The following FNDC3B variants were observed in gnomAD, a reference collection of about 807,000 sequenced individuals.
FNDC3B encodes fibronectin type III domain containing 3B, also known as fibronectin type III domain-containing protein 3B.
A neutral mutation model predicts 151.5 loss-of-function variants in FNDC3B; 12 were observed. The observed-to-expected ratio is 0.08, with a 90% CI of 0.05 to 0.13. The LOEUF is 0.13. Ranked by LOEUF, FNDC3B falls within the 10% of genes least tolerant of loss-of-function variation. The pLI is 1.00. For missense variants in FNDC3B, 1,214 were observed against 1,505.3 expected, an observed-to-expected ratio of 0.81 and a Z score of 3.20; for synonymous variants, 528 against 549.0, an observed-to-expected ratio of 0.96 and a Z score of 0.54.
intron 23 of FNDC3B, among the ~76,000 whole-genome samples, chr3:172,373,061 C>G (rs1017174434): frequency 6.6e-6 from 1 of 152,154 alleles, no homozygotes. Flanking sequence ...ATGGTCCAGT[C>G]CTTCTCAGCA....
intron 13 of FNDC3B, among the ~76,000 whole-genome samples, chr3:172,332,058 C>T (rs1732711225): frequency 6.6e-6 from 1 of 152,136 alleles, no homozygotes; most frequent in Non-Finnish European, 1.5e-5. Context: ...GCAACCTCTG[C>T]CTCCCAGGTT....
intron 1 of FNDC3B, among the ~76,000 whole-genome samples, chr3:172,096,739 G>A (rs1469380182): frequency 6.6e-6 from 1 of 152,202 alleles, no homozygotes; most frequent in African/African-American, 2.4e-5. Flanking sequence ...CTATTTTTGA[G>A]TGGTGAGATT....
intron 6 of FNDC3B, among the ~76,000 whole-genome samples, chr3:172,282,263 T>C (rs1418491468): frequency 6.6e-6 from 1 of 152,238 alleles, no homozygotes; most frequent in Non-Finnish European, 1.5e-5. Context: ...TCCTTCTTAG[T>C]CTGTGGCAGC....
chr3:172,328,699 C>A (rs1732478286), intron 11 of FNDC3B, among the ~76,000 whole-genome samples: 1 of 152,120 alleles, frequency 6.6e-6, no homozygotes. Flanking sequence ...ACCAAAAAAA[C>A]CACAGGTACA....
intron 3 of FNDC3B, among the ~76,000 whole-genome samples, chr3:172,192,835 CCT>C (rs1323847532): frequency 6.6e-6 from 1 of 152,004 alleles, no homozygotes; most frequent in Non-Finnish European, 1.5e-5. Context: ...AATTGCAGAA[CCT>C]CTGAGTTGAC....
chr3:172,081,656 C>T (rs973089481), intron 1 of FNDC3B, among the ~76,000 whole-genome samples: 1 of 152,008 alleles, frequency 6.6e-6, no homozygotes, highest in Non-Finnish European at 1.5e-5. Flanking sequence ...CTTTTGGATG[C>T]AGAAAATAAA....
chr3:172,222,822 C>T (rs9823986), intron 3 of FNDC3B, among the ~76,000 whole-genome samples: 12,561 of 152,202 alleles, frequency 0.083, 817 homozygotes, highest in African/African-American at 0.18. Flanking sequence ...GGCGCCCCTG[C>T]TCTTGGGGAT....
chr3:172,327,439 C>T (rs1205697442), intron 11 of FNDC3B, among the ~76,000 whole-genome samples: 3 of 152,264 alleles, frequency 2.0e-5, no homozygotes, highest in East Asian at 1.9e-4. Flanking sequence ...CTCACTCTGT[C>T]GCCCACACTG....
chr3:172,334,513 G>T (rs573562311), intron 14 of FNDC3B, among the ~76,000 whole-genome samples: 1 of 152,092 alleles, frequency 6.6e-6, no homozygotes, highest in African/African-American at 2.4e-5. Context: ...CATGATCTTG[G>T]CTCACCGCAA....
intron 9 of FNDC3B, among the ~76,000 whole-genome samples, chr3:172,299,783 G>A (rs944127706): frequency 2.0e-5 from 3 of 152,100 alleles, no homozygotes; most frequent in Non-Finnish European, 4.4e-5. Context: ...TAGGAAGAGC[G>A]TATATGAATT....
chr3:172,292,629 G>T (rs1309178351), intron 7 of FNDC3B, among the ~76,000 whole-genome samples: 2 of 152,238 alleles, frequency 1.3e-5, no homozygotes, highest in Non-Finnish European at 2.9e-5. Context: ...CATGGAATCA[G>T]TGTTACTGTC....
chr3:172,391,870 A>G (rs542401007), intron 25 of FNDC3B, among the ~76,000 whole-genome samples: 33 of 152,360 alleles, frequency 2.2e-4, no homozygotes, highest in African/African-American at 7.7e-4. Flanking sequence ...AGCATTCTAT[A>G]CTTAGGAAAT....
chr3:172,115,853 G>A (rs569534030), intron 2 of FNDC3B, among the ~76,000 whole-genome samples: 11 of 152,268 alleles, frequency 7.2e-5, no homozygotes, highest in African/African-American at 2.4e-4. Flanking sequence ...TTAATACTTT[G>A]CAGCTGTGCA....
rs997576799 is a variant in FNDC3B at position 172,378,425 on chromosome 3, C to G, written c.3164C>G (p.Pro1055Arg). Residue 1055 changes from proline (P) to arginine (R), a missense_variant, in exon 24 of 26, where the codon CCC becomes CGC. By Grantham distance (103) the Pro-to-Arg change is moderately radical (BLOSUM62 -2). Around this residue, in one of 7 missense-constraint regions of FNDC3B, gnomAD observed 284 missense variants for 392.4 expected, o/e 0.72. Coordinates refer to ENST00000415807, the MANE Select transcript of FNDC3B (RefSeq NM_022763.4). ...YTFSTTKSVP[P>R]TIKAPRVTQL... ...TTCAGCACAACCAAAAGTGTCCCCC[C>G]CACCATCAAAGGTGTGTAGACTATG... is the stretch of plus-strand genomic sequence containing the variant. 8.7e-6 allele frequency: 14 copies of G among 1,611,412 alleles called. No homozygotes were observed. Among genetic ancestry groups the G allele is most frequent in the South Asian group, 5.5e-5 (5 of 90,608 alleles).
Position 172,380,428 on chromosome 3 carries a change from G to A in FNDC3B, c.3176-538G>A, listed in dbSNP as rs189676844. Among the ~76,000 whole-genome samples, 330 of 152,202 alleles carry A rather than the reference G, an allele frequency of 2.2e-3. 1 individual carries two copies. The highest frequency in any genetic ancestry group is 7.8e-3 in the African/African-American group (322 of 41,532). On this transcript the variant is annotated intron_variant, in intron 24 of 25. Transcript: ENST00000415807. ...TCAATGCTGCCCATTCCCCAGGACT[G>A]TTCTCACATGTCACCTGCTCCTCAA...
rs1736393322 is a variant in FNDC3B, at chr3:172,398,266, T to C, written c.*791T>C. Reference sequence around the variant, plus strand: ...TTAAAGGCTGCTTTAACTTGTTTGTTTGTCTTTGTATATAACTACTTCTAA... The same window carrying C: ...TTAAAGGCTGCTTTAACTTGTTTGTCTGTCTTTGTATATAACTACTTCTAA... On this transcript the variant is annotated 3_prime_UTR_variant, in exon 26 of 26. Transcript: ENST00000415807. 1.3e-5 allele frequency: 2 copies of C among 152,668 alleles called. No individual in the cohort carries two copies. Among genetic ancestry groups the C allele is most frequent in the African/African-American group, 4.8e-5 (2 of 41,452 alleles). 9.5% of individuals were successfully genotyped at this position (152,668 alleles called of 1,614,324 possible).
intron 6 of FNDC3B, among the ~76,000 whole-genome samples, chr3:172,269,828 T>TAGTAGAG (rs1729107087): frequency 6.6e-6 from 1 of 152,116 alleles, no homozygotes; most frequent in Admixed American, 6.6e-5. Context: ...TTGATATTTT[T>TAGTAGAG]AGTAGAGACA....
chr3:172,310,859 A>G lies in FNDC3B; in HGVS notation c.1232A>G (p.Asn411Ser), dbSNP rs1731438053. ...ATTGACAACGGTTCAAAAATCACCA[A>G]CTACCTTTTAGAGTGGGATGAGGTA... is the stretch of plus-strand genomic sequence containing the variant. ...APIDNGSKITNYLLEWDEGKR... is the reference protein window; with the variant it reads ...APIDNGSKITSYLLEWDEGKR... Residue 411 changes from asparagine to serine, a missense_variant, in exon 11 of 26, where the codon AAC becomes AGC. Asn to Ser is a conservative substitution (Grantham distance 46). Transcript: ENST00000415807. 1 of 1,612,464 alleles carries G rather than the reference A, an allele frequency of 6.2e-7. No homozygotes were observed. The highest frequency in any genetic ancestry group is 8.5e-7 in the Non-Finnish European group (1 of 1,178,436).
intron 2 of FNDC3B, among the ~76,000 whole-genome samples, chr3:172,127,845 T>C (rs1007850388): frequency 2.6e-5 from 4 of 152,164 alleles, no homozygotes; most frequent in Admixed American, 2.6e-4. Context: ...TTTGTATTTT[T>C]AGTAGAGACA....
Sources: allele counts gnomAD v4.1 joint callset (sites outside exome capture counted in the v4.1 genomes callset), GRCh38; gene constraint gnomAD v4.1.1; regional missense constraint gnomAD v4.1.1; transcripts MANE v1.5; gene names NCBI Gene and HGNC (gene_info 2026-07-23, HGNC 2026-07-21).